AFG3L2: variants seen among roughly 807,000 people sequenced by gnomAD.
The protein encoded by AFG3L2 is mitochondrial inner membrane m-AAA protease component AFG3L2.
AFG3L2 carries 54 observed loss-of-function variants against 94.5 expected under a neutral mutation model. The observed-to-expected ratio is 0.57, with a 90% CI of 0.46 to 0.72. The LOEUF is 0.72. AFG3L2 is among the 30% of genes least tolerant of loss of function. AFG3L2 has a pLI of 0.00. For synonymous variants in AFG3L2, 377 were observed against 365.5 expected, an observed-to-expected ratio of 1.03 and a Z score of -0.36; for missense variants, 754 against 994.9, an observed-to-expected ratio of 0.76 and a Z score of 3.26.
chr18:12,345,353 G>A (rs954610815), intron 13 of AFG3L2, among the ~76,000 whole-genome samples: 1 of 152,196 alleles, frequency 6.6e-6, no homozygotes, highest in Non-Finnish European at 1.5e-5. Flanking sequence ...AACTAACTGC[G>A]CCATTTGTAC....
chr18:12,372,216 A>C (rs953196041), intron 1 of AFG3L2, among the ~76,000 whole-genome samples: 3 of 152,222 alleles, frequency 2.0e-5, no homozygotes, highest in Admixed American at 6.5e-5. Context: ...AGGCAGGAGT[A>C]CTGCTTGAAC....
intron 13 of AFG3L2, among the ~76,000 whole-genome samples, chr18:12,344,604 G>T (rs1908070733): frequency 6.6e-6 from 1 of 151,954 alleles, no homozygotes; most frequent in South Asian, 2.1e-4. Flanking sequence ...AACCCAGGAG[G>T]CGGAGGTTGC....
intron 9 of AFG3L2, among the ~76,000 whole-genome samples, 195 bp from the exon 10 acceptor site, chr18:12,353,353 AAAAATAC>A: frequency 6.6e-6 from 1 of 152,094 alleles, no homozygotes; most frequent in South Asian, 2.1e-4. Context: ...CATCTCTACT[AAAAATAC>A]AAAATTAGGC....
At chr18:12,375,259 C>T (rs1909112558) in intron 1 of AFG3L2, among the ~76,000 whole-genome samples, 2 of 141,266 alleles carry the variant, frequency 1.4e-5, no homozygotes, top group Admixed American at 7.1e-5. Context: ...CACCCCCGCT[C>T]TTTTTTTTTT....
rs1908609741 is a variant in AFG3L2 at position 12,359,985 on chromosome 18, C to G, written c.694G>C (p.Glu232Gln). The change falls in exon 7 of 17, where the codon GAA becomes CAA. Residue 232 changes from glutamate to glutamine, a missense_variant. By Grantham distance (29) the Glu-to-Gln change is conservative. Coordinates refer to ENST00000269143, the MANE Select transcript of AFG3L2 (RefSeq NM_006796.3). The stretch of plus-strand genomic sequence containing the variant: ...CGATTTTCTCCTTCTATGCCCAATT[C>G]CTGCTGTAAAGTTTCCAGATTCCGT... ...FERNLETLQQ[E>Q]LGIEGENRVP... The G allele has an allele frequency of 8.7e-6, 14 of 1,614,092 alleles. No individual in the cohort carries two copies. The highest frequency in any genetic ancestry group is 1.2e-5 in the Non-Finnish European group (14 of 1,180,002).
intron 5 of AFG3L2, among the ~76,000 whole-genome samples, chr18:12,366,246 T>C (rs1365779438): frequency 2.0e-5 from 3 of 152,262 alleles, no homozygotes; most frequent in Non-Finnish European, 2.9e-5. Context: ...TTACAATTGA[T>C]GGCATGTCAT....
intron 12 of AFG3L2, among the ~76,000 whole-genome samples, 174 bp from the exon 13 acceptor site, chr18:12,348,557 T>C (rs1908217911): frequency 6.6e-6 from 1 of 152,242 alleles, no homozygotes; most frequent in Non-Finnish European, 1.5e-5. Context: ...ATTCTAGCGT[T>C]TAATGTAAGC....
chr18:12,366,452 A>G (rs1434801764), intron 5 of AFG3L2, among the ~76,000 whole-genome samples: 1 of 152,214 alleles, frequency 6.6e-6, no homozygotes, highest in Non-Finnish European at 1.5e-5. Flanking sequence ...GGCAGGGACC[A>G]CGCACCCACT....
chr18:12,344,370 AC>A, intron 13 of AFG3L2, 123 bp from the exon 14 acceptor site: 1 of 799,650 alleles, frequency 1.3e-6, no homozygotes, highest in Non-Finnish European at 2.1e-6. Context: ...GCTGCCTATC[AC>A]AATCCAAAAA....
Position 12,376,996 on chromosome 18 carries a change from G to A in AFG3L2, c.87C>T (p.Gly29=), listed in dbSNP as rs1474577061. 3 of 1,460,266 alleles carry A rather than the reference G, an allele frequency of 2.1e-6. No homozygotes were observed. Among genetic ancestry groups the A allele is most frequent in the South Asian group, 2.6e-5 (2 of 76,058 alleles). The allele number at this position is 1,460,266 out of a possible 1,614,324, so 90.5% of individuals were successfully genotyped here. A position where few individuals can be genotyped will look rare whatever the true frequency, so the allele number is the denominator to read the frequency against. Residue 29 remains glycine (G), a synonymous_variant, in exon 1 of 17, where the codon GGC becomes GGT. Coordinates refer to ENST00000269143, the MANE Select transcript of AFG3L2 (RefSeq NM_006796.3). ...TCCGGAGGCAGGGCTGCTCGCCCGG[G>A]CCCACGCCGCCAGGCACGAGGAGCT... The part of the protein sequence containing the change: ...LQQLLVPGGV[G]PGEQPCLRTL...
At chr18:12,341,461 A>G (rs2143129788) in intron 14 of AFG3L2, 1 of 152,290 alleles carries the variant, frequency 6.6e-6, no homozygotes. Flanking sequence ...CCAGGCAACC[A>G]CAGACATGCC....
At position 12,377,020 on chromosome 18, in the gene AFG3L2, C is replaced by T; in HGVS notation, c.63G>A (p.Gln21=). 1.4e-6 allele frequency: 2 copies of T among 1,449,472 alleles called. No homozygotes were observed. The highest frequency in any genetic ancestry group is 1.8e-6 in the Non-Finnish European group (2 of 1,104,008). 89.8% of individuals were successfully genotyped at this position (1,449,472 alleles called of 1,614,324 possible). The stretch of plus-strand genomic sequence containing the variant: ...GGCCCACGCCGCCAGGCACGAGGAG[C>T]TGCTGTAGGCCGCGGGGCCAGCAGC... ...RGGCWPRGLQ[Q]LLVPGGVGPG... Residue 21 remains glutamine (Q), a synonymous_variant, in exon 1 of 17, where the codon CAG becomes CAA. Coordinates refer to ENST00000269143, the MANE Select transcript of AFG3L2 (RefSeq NM_006796.3).
At chr18:12,352,789 T>C (rs541082177) in intron 10 of AFG3L2, among the ~76,000 whole-genome samples, 17 of 152,174 alleles carry the variant, frequency 1.1e-4, no homozygotes, top group Admixed American at 1.0e-3. Flanking sequence ...ATACTCAATA[T>C]TGGAATAAGG....
In AFG3L2 at chr18:12,353,240, C is replaced by A. The variant is rs189388271; in HGVS notation, c.1165-82G>T. ...TAAGAAATGAAATAAATCGGCCGGG[C>A]ACAGTGGCTCATGCCTGTAATCCCA... On this transcript the variant is annotated intron_variant, in intron 9 of 16. Coordinates refer to ENST00000269143, the MANE Select transcript of AFG3L2 (RefSeq NM_006796.3). 1.9e-5 allele frequency: 29 copies of A among 1,534,256 alleles called. No individual in the cohort carries two copies. In the African/African-American group the frequency reaches 3.4e-4, roughly 18 times the overall value.
intron 16 of AFG3L2, among the ~76,000 whole-genome samples, chr18:12,334,690 C>T (rs775218642): frequency 2.6e-5 from 4 of 152,186 alleles, no homozygotes; most frequent in Non-Finnish European, 5.9e-5. Context: ...CTGCAGGCAC[C>T]ACCTGAGGAG....
intron 9 of AFG3L2, among the ~76,000 whole-genome samples, chr18:12,354,145 C>CCCCCCCCCCCCCCCCGCT (rs143596998): frequency 1.8e-5 from 2 of 108,738 alleles, no homozygotes; most frequent in Admixed American, 9.2e-5. Flanking sequence ...CCCCCCCCCC[C>CCCCCCCCCCCCCCCCGCT]ACTTCACTGG....
chr18:12,367,218 C>T, intron 4 of AFG3L2, 58 bp downstream of exon 4: 1 of 1,612,924 alleles, frequency 6.2e-7, no homozygotes, highest in Non-Finnish European at 8.5e-7. Flanking sequence ...TAATGCCTCC[C>T]AACCTTCTCT....
rs1907874160 is a variant in AFG3L2 at position 12,339,563 on chromosome 18, A to AC, written c.1980+637_1980+638insG. ...GCAAAACTCCAGATCAAAAAAAAAAAAAAACAAAAAAGCTGGGCGCAGTGG... is the reference window on the plus strand; with the variant it reads ...GCAAAACTCCAGATCAAAAAAAAAAACAAAACAAAAAAGCTGGGCGCAGTGG... On this transcript the variant is annotated intron_variant, in intron 15 of 16. Coordinates refer to ENST00000269143, the MANE Select transcript of AFG3L2 (RefSeq NM_006796.3). Among the ~76,000 whole-genome samples the AC allele has an allele frequency of 2.7e-5, 4 of 150,170 alleles. No homozygotes were observed. The South Asian group carries it at 8.4e-4, about 32-fold the overall frequency.
At position 12,351,205 on chromosome 18, in the gene AFG3L2, G is replaced by T; in HGVS notation, c.1432C>A (p.Pro478Thr). The T allele has an allele frequency of 6.2e-7, 1 of 1,614,084 alleles. No individual in the cohort carries two copies. The highest frequency in any genetic ancestry group is 8.5e-7 in the Non-Finnish European group (1 of 1,180,014). The change falls in exon 12 of 17, where the codon CCA becomes ACA. Residue 478 changes from proline (P) to threonine (T), a missense_variant. Around this residue, in one of 4 missense-constraint regions of AFG3L2, gnomAD observed 109 missense variants for 227.1 expected, o/e 0.48. Coordinates refer to ENST00000269143, the MANE Select transcript of AFG3L2 (RefSeq NM_006796.3). ...ATAGAAGCTCTTCCTTTTATGTCTG[G>T]TGGTCCTTTAGAAATCATTTTTAAG... ...RFDRQIFIGP[P>T]DIKGRASIFK...
Sources: allele counts gnomAD v4.1 joint callset (sites outside exome capture counted in the v4.1 genomes callset), GRCh38; gene constraint gnomAD v4.1.1; regional missense constraint gnomAD v4.1.1; transcripts MANE v1.5; gene names NCBI Gene and HGNC (gene_info 2026-07-23, HGNC 2026-07-21).